The following CPD variants were observed in gnomAD, a reference collection of about 807,000 sequenced individuals.
CPD encodes the protein metallocarboxypeptidase D.
Under a neutral mutation model 138.3 loss-of-function variants are expected in CPD, and 69 were observed. The ratio of observed to expected loss-of-function variants is 0.50; its 90% CI spans 0.41 to 0.61. The LOEUF (loss-of-function observed/expected upper bound fraction) is 0.61, where lower values mean the gene tolerates loss of function less well. CPD is among the 20% of genes least tolerant of loss of function. The pLI, the probability that CPD is intolerant of heterozygous loss-of-function variation, is 0.00. For missense variants in CPD, 1,432 were observed against 1,733.3 expected, an observed-to-expected ratio of 0.83 and a Z score of 3.09; for synonymous variants, 651 against 642.1, an observed-to-expected ratio of 1.01 and a Z score of -0.21.
chr17:30,456,364 C>T lies in CPD; in HGVS notation c.3433+13C>T, dbSNP rs1913293821. 6.2e-7 allele frequency: 1 copy of T among 1,613,114 alleles called. No individual in the cohort carries two copies. The highest frequency in any genetic ancestry group is 1.7e-5 in the Admixed American group (1 of 59,992). ...CCAAATAAATCAGGTAGATGTTTTC[C>T]ATACCTTTTGTTATTGCTGTTGTTG... On this transcript the variant is annotated intron_variant, in intron 16 of 20. Transcript: ENST00000225719.
At chr17:30,434,735 G>T (rs947030983) in intron 8 of CPD, among the ~76,000 whole-genome samples, 28 of 151,966 alleles carry the variant, frequency 1.8e-4, no homozygotes, top group Non-Finnish European at 3.1e-4. Flanking sequence ...AGAAATGTAA[G>T]GTTTTACAAG....
In CPD at chr17:30,379,750, C is replaced by A. The variant is rs751489515; in HGVS notation, c.746+24C>A. The A allele has an allele frequency of 9.9e-6, 14 of 1,417,056 alleles. No individual in the cohort carries two copies. In the Admixed American group the frequency reaches 3.5e-4, roughly 35 times the overall value. 87.8% of individuals were successfully genotyped at this position (1,417,056 alleles called of 1,614,324 possible). A position where few individuals can be genotyped will look rare whatever the true frequency, so the allele number is the denominator to read the frequency against. On this transcript the variant is annotated intron_variant, in intron 1 of 20. Transcript: ENST00000225719. This position sits in a 1 kb window ranked among gnomAD's most constrained non-coding sequence, Gnocchi z 7.0. The stretch of plus-strand genomic sequence containing the variant: ...AAGTGAGTGTTGCCTGCCCCCTCCC[C>A]GTCCGTGTGAGCCTCCAAGGGCCGA...
intron 14 of CPD, among the ~76,000 whole-genome samples, chr17:30,452,846 C>T (rs774972460): frequency 1.3e-5 from 2 of 151,786 alleles, no homozygotes; most frequent in Admixed American, 6.6e-5. Flanking sequence ...GGAGGTTTCA[C>T]AATCATGCTG....
At chr17:30,385,327 A>G in intron 2 of CPD, 91 bp downstream of exon 2, 1 of 1,425,816 alleles carries the variant, frequency 7.0e-7, no homozygotes, top group Non-Finnish European at 9.5e-7. Context: ...AACTCTGTAG[A>G]AATCTAACTT....
intron 8 of CPD, among the ~76,000 whole-genome samples, chr17:30,434,736 G>A (rs1419857887): frequency 1.3e-5 from 2 of 152,128 alleles, no homozygotes; most frequent in East Asian, 1.9e-4. Context: ...GAAATGTAAG[G>A]TTTTACAAGA....
Position 30,449,604 on chromosome 17 carries a change from T to C in CPD, c.2925T>C (p.Asn975=). 3 of 1,606,024 alleles carry C rather than the reference T, an allele frequency of 1.9e-6. No individual in the cohort carries two copies. The highest frequency in any genetic ancestry group is 2.5e-6 in the Non-Finnish European group (3 of 1,178,104). The change falls in exon 13 of 21, where the codon AAT becomes AAC. Residue 975 remains asparagine, a synonymous_variant. Coordinates refer to ENST00000225719, the MANE Select transcript of CPD (RefSeq NM_001304.5). ...YRHIWSLEIS[N]KPNVSEPEEP... is the part of the protein sequence containing the mutation. ...ACATTTGGTCCCTTGAAATCTCCAA[T>C]AAGCCCAATGTATCTGAGCCTGAAG...
intron 8 of CPD, among the ~76,000 whole-genome samples, chr17:30,437,215 G>T (rs1030288620): frequency 6.6e-6 from 1 of 152,006 alleles, no homozygotes; most frequent in African/African-American, 2.4e-5. Context: ...TTATTATGGT[G>T]GGTGGTTATA....
chr17:30,398,543 T>A (rs1163832631), intron 2 of CPD, among the ~76,000 whole-genome samples: 2 of 152,146 alleles, frequency 1.3e-5, no homozygotes, highest in African/African-American at 4.8e-5. Flanking sequence ...GTCAGGCCTA[T>A]CTACAGATCA....
Position 30,449,635 on chromosome 17 carries a change from A to G in CPD, c.2956A>G (p.Lys986Glu), listed in dbSNP as rs762378622. The change falls in exon 13 of 21, where the codon AAG becomes GAG. Residue 986 changes from lysine to glutamate, a missense_variant. Lys to Glu is a moderately conservative substitution (Grantham distance 56). Transcript: ENST00000225719. ...KPNVSEPEEP[K>E]IRFVAGIHGN... ...CAATGTATCTGAGCCTGAAGAACCA[A>G]AGATTCGTTTTGTTGCTGGTATCCA... 1.2e-6 allele frequency: 2 copies of G among 1,610,778 alleles called. No individual in the cohort carries two copies. Among genetic ancestry groups the G allele is most frequent in the Non-Finnish European group, 1.7e-6 (2 of 1,179,368 alleles).
chr17:30,443,934 G>T lies in CPD; in HGVS notation c.2506G>T (p.Val836Phe). The T allele has an allele frequency of 1.2e-6, 2 of 1,613,870 alleles. No homozygotes were observed. The highest frequency in any genetic ancestry group is 1.7e-6 in the Non-Finnish European group (2 of 1,179,850). ...YKTGDYWRLL[V>F]PGTYKITASA... ...AACTGGAGATTACTGGCGTCTCTTG[G>T]TTCCAGGAACTTATAAAATCACAGC... The change falls in exon 11 of 21, where the codon GTT becomes TTT. Residue 836 changes from valine to phenylalanine, a missense_variant. By Grantham distance (50) the Val-to-Phe change is conservative (BLOSUM62 -1). Transcript: ENST00000225719.
At chr17:30,385,265 T>C (rs200931967) in intron 2 of CPD, 29 bp downstream of exon 2, 4 of 1,608,872 alleles carry the variant, frequency 2.5e-6, no homozygotes, top group South Asian at 2.2e-5. Flanking sequence ...TTGCTACATT[T>C]TCCCCCTTGT....
At chr17:30,460,332 G>A (rs1220935733) in intron 17 of CPD, among the ~76,000 whole-genome samples, 1 of 152,152 alleles carries the variant, frequency 6.6e-6, no homozygotes, top group East Asian at 1.9e-4. Context: ...TTGAGCAGGG[G>A]TAACAATATT....
intron 2 of CPD, among the ~76,000 whole-genome samples, chr17:30,397,737 CAAAAAAAAAAAA>C (rs71138885): frequency 9.4e-5 from 3 of 31,880 alleles, no homozygotes; most frequent in South Asian, 1.2e-3. Context: ...ACTCCTGTCT[CAAAAAAAAAAAA>C]AAAAAAAAAA....
intron 12 of CPD, among the ~76,000 whole-genome samples, chr17:30,447,310 T>TCTAAAGA (rs1330385724): frequency 6.6e-6 from 1 of 152,182 alleles, no homozygotes; most frequent in Non-Finnish European, 1.5e-5. Flanking sequence ...TGGTTTTAGG[T>TCTAAAGA]CTAACATGTA....
intron 8 of CPD, among the ~76,000 whole-genome samples, chr17:30,437,373 A>T (rs544072529): frequency 2.4e-4 from 37 of 152,210 alleles, no homozygotes; most frequent in African/African-American, 3.6e-4. Context: ...TATATAAGTT[A>T]AAAAAATGAG....
rs1240072501 is a variant in CPD at position 30,449,675 on chromosome 17, T to C, written c.2996T>C (p.Val999Ala). The C allele has an allele frequency of 1.2e-6, 2 of 1,607,568 alleles. No homozygotes were observed. The highest frequency in any genetic ancestry group is 1.7e-6 in the Non-Finnish European group (2 of 1,178,552). The change falls in exon 13 of 21, where the codon GTT becomes GCT. Residue 999 changes from valine to alanine, a missense_variant. Physicochemically the swap from Val to Ala is moderately conservative, Grantham distance 64 (BLOSUM62 0). Around this residue, in one of 6 missense-constraint regions of CPD, gnomAD observed 366 missense variants for 518.8 expected, o/e 0.71. Transcript: ENST00000225719. ...FVAGIHGNAPVGTELLLALAE... is the reference protein window; with the variant it reads ...FVAGIHGNAPAGTELLLALAE... ...GCTGGTATCCATGGAAATGCGCCAG[T>C]TGGAACTGAACTGCTTTTGGCTCTG...
chr17:30,423,733 A>G (rs1223632402), intron 6 of CPD, 36 bp downstream of exon 6: 2 of 1,345,954 alleles, frequency 1.5e-6, no homozygotes, highest in Admixed American at 2.6e-5. Context: ...TCATTTGATC[A>G]TCATATAGAA....
chr17:30,431,956 G>A, intron 8 of CPD, 75 bp downstream of exon 8: 1 of 1,026,444 alleles, frequency 9.7e-7, no homozygotes, highest in Non-Finnish European at 1.4e-6. Context: ...AGTCCTGCAA[G>A]ACTCAGGTCA....
intron 10 of CPD, 106 bp from the exon 11 acceptor site, chr17:30,443,695 TG>T: frequency 8.9e-7 from 1 of 1,122,428 alleles, no homozygotes. Context: ...AATTCCTGTT[TG>T]TTCCATTTAT....
Sources: allele counts gnomAD v4.1 joint callset (sites outside exome capture counted in the v4.1 genomes callset), GRCh38; gene constraint gnomAD v4.1.1; regional missense constraint gnomAD v4.1.1; non-coding constraint Gnocchi (gnomAD v3.1); transcripts MANE v1.5; gene names NCBI Gene and HGNC (gene_info 2026-07-23, HGNC 2026-07-21).